SUGCT: variants seen among roughly 807,000 people sequenced by gnomAD.
The protein encoded by SUGCT is succinyl-CoA:glutarate-CoA transferase.
A neutral mutation model predicts 55.0 loss-of-function variants in SUGCT; 41 were observed. The observed-to-expected ratio is 0.74, with a 90% confidence interval of 0.58 to 0.97. The LOEUF is 0.97. Ranked by LOEUF, SUGCT falls within the 50% of genes least tolerant of loss-of-function variation. The pLI, the probability that SUGCT is intolerant of heterozygous loss-of-function variation, is 0.00. For missense variants in SUGCT, 568 were observed against 547.8 expected (o/e 1.04, Z -0.37); for synonymous variants, 187 against 200.4 (o/e 0.93, Z 0.56).
At chr7:40,375,908 A>G (rs951304842) in intron 9 of SUGCT, among the ~76,000 whole-genome samples, 1 of 152,206 alleles carries the variant, frequency 6.6e-6, no homozygotes, top group Non-Finnish European at 1.5e-5. Context: ...AGGAATGGTT[A>G]GAATATAGCT....
At position 40,135,079 on chromosome 7, in the gene SUGCT, G is replaced by T. The variant is rs868059002; in HGVS notation, c.59G>T (p.Arg20Leu). The stretch of plus-strand genomic sequence containing the variant: ...CGCAGAACCTGCCTCTTCTCCGGCC[G>T]GGGCGGCGGGAGGGGGCTGTGGACT... The part of the protein sequence containing the change: ...ALRRTCLFSG[R>L]GGGRGLWTGR... Residue 20 changes from arginine (R) to leucine (L), a missense_variant, in exon 1 of 14, where the codon CGG becomes CTG. Transcript: ENST00000335693. The T allele has an allele frequency of 6.4e-7, 1 of 1,559,862 alleles. No homozygotes were observed. Among genetic ancestry groups the T allele is most frequent in the Non-Finnish European group, 8.7e-7 (1 of 1,153,134 alleles).
intron 13 of SUGCT, among the ~76,000 whole-genome samples, chr7:40,852,699 G>A (rs1049786750): frequency 4.0e-5 from 6 of 150,716 alleles, no homozygotes; most frequent in Admixed American, 3.3e-4. Flanking sequence ...CTCAGCTTCC[G>A]ACTTAGCTTA....
chr7:40,966,602 T>A, the SUGCT span: 1 of 152,162 alleles, frequency 6.6e-6, no homozygotes, highest in Non-Finnish European at 1.5e-5. Context: ...GGTTGAGATA[T>A]ATCTGGTTCA....
At chr7:40,267,769 C>A (rs1319425171) in intron 7 of SUGCT, among the ~76,000 whole-genome samples, 2 of 152,172 alleles carry the variant, frequency 1.3e-5, no homozygotes, top group Non-Finnish European at 2.9e-5. Flanking sequence ...TTTCTACTCA[C>A]TAAATGGTAA....
At chr7:40,508,889 G>A (rs1367538024) in intron 12 of SUGCT, among the ~76,000 whole-genome samples, 2 of 151,848 alleles carry the variant, frequency 1.3e-5, no homozygotes, top group African/African-American at 2.4e-5. Flanking sequence ...TCTCTTTCCA[G>A]TTATTTCCTA....
At chr7:40,944,058 T>C in the SUGCT span, among the ~76,000 whole-genome samples, 1 of 151,976 alleles carries the variant, frequency 6.6e-6, no homozygotes, top group Non-Finnish European at 1.5e-5. Context: ...TCATGTGTCT[T>C]TTGGCTGCAT....
chr7:40,482,705 A>G (rs1276758947), intron 11 of SUGCT, among the ~76,000 whole-genome samples: 1 of 152,204 alleles, frequency 6.6e-6, no homozygotes, highest in Non-Finnish European at 1.5e-5. Context: ...AGGCCAAACC[A>G]TTGTAATATG....
At chr7:40,328,816 G>A (rs879784264) in intron 9 of SUGCT, among the ~76,000 whole-genome samples, 1 of 152,034 alleles carries the variant, frequency 6.6e-6, no homozygotes, top group Non-Finnish European at 1.5e-5. Flanking sequence ...CTTCAGTGCT[G>A]GAAATCATTG....
intron 12 of SUGCT, among the ~76,000 whole-genome samples, chr7:40,663,353 T>C (rs538539639): frequency 1.3e-5 from 2 of 152,264 alleles, no homozygotes; most frequent in African/African-American, 4.8e-5. Context: ...TTATTCACTC[T>C]TAAAGCCATC....
rs750637725 is a variant in SUGCT, at chr7:40,316,750, T to G, written c.721-10T>G. On this transcript the variant is annotated splice_polypyrimidine_tract_variant and intron_variant, in intron 8 of 13. Transcript: ENST00000335693. ...GTTCTATTTTATTTATTTACTTTTT[T>G]TCCTGGTAGGTGGCGTGTTTGTCTC... 1 of 1,565,486 alleles carries G rather than the reference T, an allele frequency of 6.4e-7. No homozygotes were observed. The highest frequency in any genetic ancestry group is 2.3e-5 in the East Asian group (1 of 43,684).
intron 10 of SUGCT, among the ~76,000 whole-genome samples, chr7:40,453,807 A>G (rs528169909): frequency 2.0e-5 from 3 of 152,354 alleles, no homozygotes; most frequent in Non-Finnish European, 4.4e-5. Context: ...CAGAACTTGC[A>G]TGAGAACAGG....
intron 8 of SUGCT, among the ~76,000 whole-genome samples, chr7:40,278,796 A>G (rs1171627863): frequency 6.7e-6 from 1 of 149,570 alleles, no homozygotes; most frequent in Non-Finnish European, 1.5e-5. Context: ...TGTGGAACTA[A>G]GGTTTTAGCA....
At chr7:40,407,536 C>T (rs1400325667) in intron 9 of SUGCT, among the ~76,000 whole-genome samples, 1 of 151,798 alleles carries the variant, frequency 6.6e-6, no homozygotes, top group Non-Finnish European at 1.5e-5. Context: ...AAATAGTAAG[C>T]TTCAGTACTA....
intron 12 of SUGCT, among the ~76,000 whole-genome samples, chr7:40,678,521 G>A (rs1379575863): frequency 1.3e-5 from 2 of 152,088 alleles, no homozygotes; most frequent in African/African-American, 4.8e-5. Flanking sequence ...GGGTGTGAAT[G>A]GCAATTCATA....
intron 1 of SUGCT, among the ~76,000 whole-genome samples, chr7:40,177,152 A>G (rs1020875098): frequency 6.6e-6 from 1 of 152,072 alleles, no homozygotes; most frequent in Non-Finnish European, 1.5e-5. Context: ...GTTTTTACCT[A>G]CAACCCACAA....
chr7:40,374,177 G>A (rs191109239), intron 9 of SUGCT, among the ~76,000 whole-genome samples: 46 of 152,134 alleles, frequency 3.0e-4, no homozygotes, highest in African/African-American at 1.0e-3. Flanking sequence ...TGAAAAAGGA[G>A]GAATATTAAT....
chr7:40,380,873 A>G (rs188556212), intron 9 of SUGCT, among the ~76,000 whole-genome samples: 1 of 152,074 alleles, frequency 6.6e-6, no homozygotes, highest in Non-Finnish European at 1.5e-5. Flanking sequence ...TTTCCTGTTT[A>G]CTGTCTTTTT....
chr7:40,293,588 G>GA (rs1472244937), intron 8 of SUGCT, among the ~76,000 whole-genome samples: 2 of 152,182 alleles, frequency 1.3e-5, no homozygotes, highest in Non-Finnish European at 2.9e-5. Flanking sequence ...CGCAAGCATT[G>GA]AGATCCACTC....
chr7:40,712,764 A>C (rs1044086781), intron 12 of SUGCT, among the ~76,000 whole-genome samples: 1 of 152,224 alleles, frequency 6.6e-6, no homozygotes, highest in Non-Finnish European at 1.5e-5. Flanking sequence ...CCTTTGGCAC[A>C]TGCAGGCCTC....
Sources: allele counts gnomAD v4.1 joint callset (sites outside exome capture counted in the v4.1 genomes callset), GRCh38; gene constraint gnomAD v4.1.1; transcripts MANE v1.5; gene names NCBI Gene and HGNC (gene_info 2026-07-23, HGNC 2026-07-21).